NFIL3: variants seen among roughly 807,000 people sequenced by gnomAD.
NFIL3 encodes nuclear factor, interleukin 3 regulated.
Under a neutral mutation model 10.0 loss-of-function variants are expected in NFIL3, and 5 were observed. The observed-to-expected ratio is 0.50, with a 90% CI of 0.26 to 1.06. NFIL3 has a LOEUF of 1.06. NFIL3 is among the 50% of genes least tolerant of loss of function. NFIL3 has a pLI of 0.13. For missense variants in NFIL3, 436 were observed against 547.6 expected (o/e 0.80, Z 2.03); for synonymous variants, 202 against 206.5 (o/e 0.98, Z 0.19).
At chr9:91,480,900 C>T in the NFIL3 span, among the ~76,000 whole-genome samples, 2 of 152,182 alleles carry the variant, frequency 1.3e-5, no homozygotes, top group East Asian at 3.9e-4. Context: ...TAAATAATAC[C>T]CACAGTTACC....
the NFIL3 span, among the ~76,000 whole-genome samples, chr9:91,429,061 T>C: frequency 1.3e-5 from 2 of 152,158 alleles, no homozygotes; most frequent in Non-Finnish European, 2.9e-5. Context: ...GTATATGAAA[T>C]AGAAAATTGT....
rs1833526790 is a variant in NFIL3 at position 91,410,560 on chromosome 9, CAGA to C, written c.172_174del (p.Ser58del). The stretch of plus-strand genomic sequence containing the variant: ...ATGAATTCCCGTTTCCTCCGACATG[CAGA>C]AGATTTGTTCTTCCCCACACTTCCT... On this transcript the variant is annotated inframe_deletion, in exon 2 of 2. Coordinates refer to ENST00000297689, the MANE Select transcript of NFIL3 (RefSeq NM_005384.3). The surrounding 1 kb of genome is among the most constrained non-coding windows in gnomAD (Gnocchi z 5.7). 3 of 1,614,190 alleles carry C rather than the reference CAGA, an allele frequency of 1.9e-6. No individual in the cohort carries two copies. Among genetic ancestry groups the C allele is most frequent in the East Asian group, 2.2e-5 (1 of 44,886 alleles).
chr9:91,431,423 A>G, the NFIL3 span, among the ~76,000 whole-genome samples: 7 of 152,136 alleles, frequency 4.6e-5, no homozygotes, highest in Non-Finnish European at 1.0e-4. Flanking sequence ...ATACTGCTCA[A>G]ACACCACAGC....
At chr9:91,432,127 GAC>G in the NFIL3 span, among the ~76,000 whole-genome samples, 1 of 152,184 alleles carries the variant, frequency 6.6e-6, no homozygotes, top group Non-Finnish European at 1.5e-5. Flanking sequence ...CGGGGCAGGT[GAC>G]ACAACCCCAT....
chr9:91,474,420 G>C, the NFIL3 span, among the ~76,000 whole-genome samples: 1 of 152,084 alleles, frequency 6.6e-6, no homozygotes, highest in Non-Finnish European at 1.5e-5. Context: ...TTTCTACCCT[G>C]GCACTAGTTC....
the NFIL3 span, among the ~76,000 whole-genome samples, chr9:91,448,012 A>C: frequency 6.6e-6 from 1 of 152,092 alleles, no homozygotes; most frequent in Non-Finnish European, 1.5e-5. Flanking sequence ...ATTTTTGTAT[A>C]CTTTTGTATG....
In NFIL3 at chr9:91,409,966, G is replaced by C; in HGVS notation, c.769C>G (p.His257Asp). ...YMGNSFSGYS[H>D]SPPLLQVNRS... ...TTGACTTGCAGTAGTGGGGGAGAGT[G>C]TGAGTACCCAGAGAAAGAATTCCCC... The change falls in exon 2 of 2, where the codon CAC (histidine) becomes GAC (aspartate). Residue 257 changes from histidine to aspartate, a missense_variant. Transcript: ENST00000297689. 2 of 1,613,702 alleles carry C rather than the reference G, an allele frequency of 1.2e-6. No homozygotes were observed.
At chr9:91,417,779 C>T (rs1030215867) in intron 1 of NFIL3, among the ~76,000 whole-genome samples, 3 of 152,142 alleles carry the variant, frequency 2.0e-5, no homozygotes, top group Non-Finnish European at 2.9e-5. Context: ...GAAATGTGCA[C>T]TTGATCAAGA....
chr9:91,478,645 A>G, the NFIL3 span, among the ~76,000 whole-genome samples: 1 of 152,064 alleles, frequency 6.6e-6, no homozygotes, highest in Admixed American at 6.5e-5. Flanking sequence ...TACTTCTGTC[A>G]ATTCGTCAAA....
At position 91,409,987 on chromosome 9, in the gene NFIL3, T is replaced by C; in HGVS notation, c.748A>G (p.Asn250Asp). 1 of 1,613,096 alleles carries C rather than the reference T, an allele frequency of 6.2e-7. No homozygotes were observed. The highest frequency in any genetic ancestry group is 1.6e-4 in the Middle Eastern group (1 of 6,062). Residue 250 changes from asparagine to aspartate, a missense_variant, in exon 2 of 2, where the codon AAT becomes GAT. Asn to Asp is a conservative substitution (Grantham distance 23, BLOSUM62 1). Transcript: ENST00000297689. The part of the protein sequence containing the change: ...TASIYQNYMG[N>D]SFSGYSHSPP... ...GAGTGTGAGTACCCAGAGAAAGAAT[T>C]CCCCATATAGTTTTGATAGATGGAC...
chr9:91,452,906 A>T, the NFIL3 span, among the ~76,000 whole-genome samples: 1 of 152,018 alleles, frequency 6.6e-6, no homozygotes, highest in Non-Finnish European at 1.5e-5. Flanking sequence ...AACTTTCTAA[A>T]TTAATTGAGG....
the NFIL3 span, among the ~76,000 whole-genome samples, chr9:91,474,074 T>A: frequency 9.7e-5 from 14 of 144,900 alleles, no homozygotes; most frequent in Non-Finnish European, 1.6e-4. Context: ...TCATGTTAGT[T>A]GTAGGGTTTT....
chr9:91,446,369 T>C, the NFIL3 span, among the ~76,000 whole-genome samples: 1 of 152,242 alleles, frequency 6.6e-6, no homozygotes, highest in Non-Finnish European at 1.5e-5. Flanking sequence ...TGTTCTCCTT[T>C]AGTTATTTTG....
chr9:91,430,577 A>T, the NFIL3 span, among the ~76,000 whole-genome samples: 1 of 152,226 alleles, frequency 6.6e-6, no homozygotes. Flanking sequence ...GAGGAGACCC[A>T]CATTCCATTG....
chr9:91,428,786 T>G (rs1383078870), upstream of NFIL3, among the ~76,000 whole-genome samples: 2 of 152,216 alleles, frequency 1.3e-5, no homozygotes, highest in Non-Finnish European at 2.9e-5. Flanking sequence ...TTACAAAAAC[T>G]GAAACATGTC....
chr9:91,470,436 G>A, the NFIL3 span, among the ~76,000 whole-genome samples: 1 of 134,992 alleles, frequency 7.4e-6, no homozygotes, highest in East Asian at 2.1e-4. Flanking sequence ...CTTGCTAGTG[G>A]TGTATCAATT....
the NFIL3 span, among the ~76,000 whole-genome samples, chr9:91,441,941 G>C: frequency 6.6e-6 from 1 of 151,934 alleles, no homozygotes; most frequent in Admixed American, 6.6e-5. Flanking sequence ...CCATTATAGT[G>C]TTGGAGTATT....
the NFIL3 span, among the ~76,000 whole-genome samples, chr9:91,429,347 C>T: frequency 3.9e-5 from 6 of 152,182 alleles, no homozygotes; most frequent in South Asian, 2.1e-4. Flanking sequence ...TGGCCACGTT[C>T]CTTCTCTCAT....
chr9:91,469,845 G>T, the NFIL3 span, among the ~76,000 whole-genome samples: 1 of 152,070 alleles, frequency 6.6e-6, no homozygotes, highest in African/African-American at 2.4e-5. Context: ...ATTGATTTGC[G>T]TATGTTGAAC....
Sources: allele counts gnomAD v4.1 joint callset (sites outside exome capture counted in the v4.1 genomes callset), GRCh38; gene constraint gnomAD v4.1.1; non-coding constraint Gnocchi (gnomAD v3.1); transcripts MANE v1.5; gene names NCBI Gene and HGNC (gene_info 2026-07-23, HGNC 2026-07-21).